BLTP3A: variants seen among roughly 807,000 people sequenced by gnomAD.
BLTP3A encodes the protein ICBP90 binding protein 1.
the BLTP3A span, chr6:34,836,340 G>T: frequency 3.1e-6 from 5 of 1,613,754 alleles, no homozygotes; most frequent in Non-Finnish European, 4.2e-6. Flanking sequence ...AGCCAGTCCC[G>T]AGAGCCAGGT....
At chr6:34,796,449 CA>C in the BLTP3A span, among the ~76,000 whole-genome samples, 1 of 152,196 alleles carries the variant, frequency 6.6e-6, no homozygotes, top group African/African-American at 2.4e-5. Flanking sequence ...TCTTGGTTTT[CA>C]TGACTGCTGC....
the BLTP3A span, among the ~76,000 whole-genome samples, chr6:34,862,706 C>G: frequency 2.6e-5 from 4 of 151,276 alleles, no homozygotes; most frequent in Non-Finnish European, 5.9e-5. Context: ...TGTTGGCATG[C>G]ACCTGTAGTC....
the BLTP3A span, among the ~76,000 whole-genome samples, chr6:34,815,658 T>C: frequency 6.6e-6 from 1 of 152,290 alleles, no homozygotes; most frequent in South Asian, 2.1e-4. Context: ...ATTTGTTTGT[T>C]TTGAGACAGA....
At chr6:34,813,174 A>G in the BLTP3A span, among the ~76,000 whole-genome samples, 269 of 152,320 alleles carry the variant, frequency 1.8e-3, 1 homozygote, top group African/African-American at 6.1e-3. Flanking sequence ...AAGATGCTGA[A>G]TTACAGAGGG....
At chr6:34,850,207 A>T in the BLTP3A span, among the ~76,000 whole-genome samples, 1 of 151,958 alleles carries the variant, frequency 6.6e-6, no homozygotes, top group Non-Finnish European at 1.5e-5. Context: ...CTCTGCTAGC[A>T]GACTGAGAAG....
the BLTP3A span, chr6:34,855,644 G>T: frequency 6.2e-7 from 1 of 1,613,798 alleles, no homozygotes. Flanking sequence ...CTCATGGGTG[G>T]TGCCATGCAG....
the BLTP3A span, among the ~76,000 whole-genome samples, chr6:34,813,934 T>G: frequency 6.6e-6 from 1 of 152,154 alleles, no homozygotes; most frequent in Non-Finnish European, 1.5e-5. Flanking sequence ...AGCTGTAGTT[T>G]CCTTGGCTGA....
At chr6:34,836,863 A>G in the BLTP3A span, among the ~76,000 whole-genome samples, 1 of 152,180 alleles carries the variant, frequency 6.6e-6, no homozygotes, top group Non-Finnish European at 1.5e-5. Flanking sequence ...CTGCCATTAT[A>G]TATGTGTTTG....
the BLTP3A span, chr6:34,836,292 T>G: frequency 6.2e-7 from 1 of 1,614,222 alleles, no homozygotes; most frequent in Non-Finnish European, 8.5e-7. Context: ...TCCTACCATC[T>G]GCTCATCTCC....
At chr6:34,793,186 A>G in the BLTP3A span, among the ~76,000 whole-genome samples, 1 of 152,232 alleles carries the variant, frequency 6.6e-6, no homozygotes, top group Non-Finnish European at 1.5e-5. Flanking sequence ...TTTCAGGTGT[A>G]GCCGAGTGAC....
the BLTP3A span, among the ~76,000 whole-genome samples, chr6:34,849,985 A>G: frequency 6.6e-6 from 1 of 152,050 alleles, no homozygotes; most frequent in African/African-American, 2.4e-5. Flanking sequence ...TACTAAAAGA[A>G]ATACAAAATT....
At chr6:34,857,263 T>C in the BLTP3A span, 3 of 1,578,910 alleles carry the variant, frequency 1.9e-6, no homozygotes, top group Non-Finnish European at 2.6e-6. Flanking sequence ...TTATGCTTCC[T>C]AAGCAGAAAT....
chr6:34,834,413 GC>G, the BLTP3A span: 1 of 1,612,480 alleles, frequency 6.2e-7, no homozygotes. Flanking sequence ...AGAGGTGACA[GC>G]CCCATCATTG....
the BLTP3A span, chr6:34,821,903 C>T: frequency 6.2e-7 from 1 of 1,614,246 alleles, no homozygotes; most frequent in Admixed American, 1.7e-5. Flanking sequence ...TGAGACTTTG[C>T]TTTCCTCTTT....
chr6:34,829,634 C>G, the BLTP3A span, among the ~76,000 whole-genome samples: 4 of 150,928 alleles, frequency 2.7e-5, no homozygotes, highest in East Asian at 5.8e-4. Context: ...GTTTCTGGTT[C>G]TTCTTCTTTT....
chr6:34,839,316 A>C, the BLTP3A span, among the ~76,000 whole-genome samples: 1 of 138,088 alleles, frequency 7.2e-6, no homozygotes, highest in Non-Finnish European at 1.5e-5. Context: ...ATAGGGGCAG[A>C]GATCAGGGAG....
At chr6:34,865,324 GC>G in the BLTP3A span, among the ~76,000 whole-genome samples, 1 of 152,104 alleles carries the variant, frequency 6.6e-6, no homozygotes, top group Non-Finnish European at 1.5e-5. Context: ...ATCTCATTTA[GC>G]ATATTGTCTG....
the BLTP3A span, among the ~76,000 whole-genome samples, chr6:34,802,137 T>C: frequency 6.6e-6 from 1 of 152,226 alleles, no homozygotes; most frequent in Non-Finnish European, 1.5e-5. Flanking sequence ...AAAATGCTGT[T>C]ACTCTTGGTA....
chr6:34,793,652 A>G, the BLTP3A span, among the ~76,000 whole-genome samples: 1 of 152,294 alleles, frequency 6.6e-6, no homozygotes, highest in African/African-American at 2.4e-5. Context: ...TACTCAGATT[A>G]ACGTAATATA....
Sources: allele counts gnomAD v4.1 joint callset (sites outside exome capture counted in the v4.1 genomes callset), GRCh38; gene constraint gnomAD v4.1.1; transcripts MANE v1.5; gene names NCBI Gene and HGNC (gene_info 2026-07-23, HGNC 2026-07-21).